FGF12: variants seen among roughly 807,000 people sequenced by gnomAD.
The protein encoded by FGF12 is fibroblast growth factor 12, also known as fibroblast growth factor 12B.
FGF12 carries 14 observed loss-of-function variants against 23.6 expected under a neutral mutation model. The ratio of observed to expected loss-of-function variants is 0.59; its 90% CI spans 0.39 to 0.93. The LOEUF (loss-of-function observed/expected upper bound fraction) is 0.93. Ranked by LOEUF, FGF12 falls within the 40% of genes least tolerant of loss-of-function variation. The pLI is 0.00. For synonymous variants in FGF12, 62 were observed against 77.3 expected (o/e 0.80, Z 1.04); for missense variants, 175 against 217.8 (o/e 0.80, Z 1.24).
At chr3:192,222,417 C>T (rs573003846) in intron 4 of FGF12, among the ~76,000 whole-genome samples, 4 of 152,158 alleles carry the variant, frequency 2.6e-5, no homozygotes, top group South Asian at 2.1e-4. Context: ...TGTAAACTCC[C>T]GAACATGATT....
chr3:192,204,691 G>C (rs1363836272), intron 4 of FGF12, among the ~76,000 whole-genome samples: 1 of 152,052 alleles, frequency 6.6e-6, no homozygotes, highest in East Asian at 1.9e-4. Flanking sequence ...TTTGAGACCA[G>C]CCTGGCCAAC....
At position 192,246,480 on chromosome 3, in the gene FGF12, T is replaced by C. The variant is rs115340430; in HGVS notation, c.229-75824A>G. Among the ~76,000 whole-genome samples the C allele has an allele frequency of 4.6e-3, 704 of 152,232 alleles. 2 individuals are homozygous for C. Among genetic ancestry groups the C allele is most frequent in the African/African-American group, 0.017 (689 of 41,556 alleles). On this transcript the variant is annotated intron_variant, in intron 4 of 5. Transcript: ENST00000445105. The stretch of plus-strand genomic sequence containing the variant: ...TTATTTTTTCAGATAGTATGCAGGC[T>C]TTTCCAGGTAGGACCTGGTTCTAAT...
Position 192,727,464 on chromosome 3 carries a change from T to A in FGF12, c.-131+20A>T. 4 of 316,844 alleles carry A rather than the reference T, an allele frequency of 1.3e-5. No individual in the cohort carries two copies. The highest frequency in any genetic ancestry group is 5.9e-5 in the Admixed American group (1 of 16,830). 19.6% of individuals were successfully genotyped at this position (316,844 alleles called of 1,614,324 possible). On this transcript the variant is annotated intron_variant, in intron 1 of 5. Coordinates refer to ENST00000445105, the MANE Select transcript of FGF12 (RefSeq NM_004113.6). ...ATGCATGCACAGTGCCCGCTCAGATTTTTTTTTTTTTTTTTTTACCTGGGT... is the reference window on the plus strand; with the variant it reads ...ATGCATGCACAGTGCCCGCTCAGATATTTTTTTTTTTTTTTTTACCTGGGT...
intron 2 of FGF12, among the ~76,000 whole-genome samples, chr3:192,490,285 T>C (rs1703332577): frequency 6.6e-6 from 1 of 152,112 alleles, no homozygotes; most frequent in East Asian, 1.9e-4. Context: ...TGTAAATGGT[T>C]CTACCTCCAT....
chr3:192,223,218 A>G (rs138755193), intron 4 of FGF12, among the ~76,000 whole-genome samples: 1 of 152,276 alleles, frequency 6.6e-6, no homozygotes, highest in African/African-American at 2.4e-5. Context: ...CAGTGACTAC[A>G]CTTAAAAACA....
At chr3:192,552,790 C>T (rs938111938) in intron 2 of FGF12, among the ~76,000 whole-genome samples, 1 of 152,112 alleles carries the variant, frequency 6.6e-6, no homozygotes, top group African/African-American at 2.4e-5. Flanking sequence ...ACTCCGGAGG[C>T]TGAGGCATGA....
Position 192,409,358 on chromosome 3 carries a change from G to C in FGF12, c.14-48820C>G, listed in dbSNP as rs1042928428. On this transcript the variant is annotated intron_variant, in intron 2 of 5. Coordinates refer to ENST00000445105, the MANE Select transcript of FGF12 (RefSeq NM_004113.6). The surrounding 1 kb of genome is among the most constrained non-coding windows in gnomAD (Gnocchi z 4.8). The stretch of plus-strand genomic sequence containing the variant: ...TGGAGCTCCCCGCCATGGTCCACCC[G>C]GGGCCGCCGCACCGAGCTGGTCTCC... Among the ~76,000 whole-genome samples the C allele has an allele frequency of 3.3e-5, 5 of 152,160 alleles. No individual in the cohort carries two copies. The highest frequency in any genetic ancestry group is 9.6e-5 in the African/African-American group (4 of 41,466).
At chr3:192,715,963 T>C (rs1718853067) in intron 2 of FGF12, among the ~76,000 whole-genome samples, 2 of 152,264 alleles carry the variant, frequency 1.3e-5, no homozygotes, top group African/African-American at 4.8e-5. Flanking sequence ...TTTTAAGCTA[T>C]GGAATTCCCT....
chr3:192,172,554 T>G (rs1263223418), intron 4 of FGF12, among the ~76,000 whole-genome samples: 1 of 150,948 alleles, frequency 6.6e-6, no homozygotes, highest in African/African-American at 2.4e-5. Flanking sequence ...GTAAATGAAC[T>G]ACTAGCTTAA....
In FGF12 at chr3:192,423,301, C is replaced by T. The variant is rs150405051; in HGVS notation, c.14-62763G>A. On this transcript the variant is annotated intron_variant, in intron 2 of 5. Transcript: ENST00000445105. ...GTGAGTGTTTTAGAAATTATATTGG[C>T]ATAAAATACCAACCTCTGATTTTCT... 2.2e-3 allele frequency among the ~76,000 whole-genome samples: 342 copies of T among 152,248 alleles called. 8 individuals are homozygous for T. Among genetic ancestry groups the T allele is most frequent in the Admixed American group, 0.018 (273 of 15,282 alleles).
intron 2 of FGF12, among the ~76,000 whole-genome samples, chr3:192,459,921 CA>C (rs965803376): frequency 1.3e-5 from 2 of 151,780 alleles, no homozygotes; most frequent in East Asian, 3.9e-4. Flanking sequence ...CAACATCCTT[CA>C]AAAAACCCTC....
intron 2 of FGF12, among the ~76,000 whole-genome samples, chr3:192,534,671 C>A (rs1725183811): frequency 6.6e-6 from 1 of 152,160 alleles, no homozygotes; most frequent in Non-Finnish European, 1.5e-5. Flanking sequence ...GGATTACAGG[C>A]ATGAACCACC....
intron 2 of FGF12, among the ~76,000 whole-genome samples, chr3:192,706,627 A>C (rs560659586): frequency 2.0e-5 from 3 of 152,202 alleles, no homozygotes; most frequent in African/African-American, 7.2e-5. Flanking sequence ...GCACTTCCCA[A>C]ATACTTTCTC....
intron 2 of FGF12, among the ~76,000 whole-genome samples, chr3:192,698,394 T>C (rs1046905776): frequency 6.6e-6 from 1 of 152,216 alleles, no homozygotes; most frequent in Non-Finnish European, 1.5e-5. Context: ...GGCCCTTTCC[T>C]AGCCTCAGTC....
intron 2 of FGF12, among the ~76,000 whole-genome samples, chr3:192,699,025 T>G (rs1362398414): frequency 1.3e-5 from 2 of 152,204 alleles, no homozygotes; most frequent in African/African-American, 4.8e-5. Context: ...TCCCTCTTTC[T>G]GTATAAAGAT....
chr3:192,555,073 G>A (rs1226496478), intron 2 of FGF12, among the ~76,000 whole-genome samples: 2 of 152,020 alleles, frequency 1.3e-5, no homozygotes, highest in African/African-American at 4.8e-5. Flanking sequence ...GCAATATGAG[G>A]GTCTCAGAAG....
chr3:192,521,900 G>C (rs1034339817), intron 2 of FGF12, among the ~76,000 whole-genome samples: 1 of 152,146 alleles, frequency 6.6e-6, no homozygotes, highest in Non-Finnish European at 1.5e-5. Context: ...CCTAGAATAT[G>C]TAAGAAATAA....
At chr3:192,472,377 C>G (rs77381371) in intron 2 of FGF12, among the ~76,000 whole-genome samples, 1,927 of 152,224 alleles carry the variant, frequency 0.013, 43 homozygotes, top group African/African-American at 0.044. Flanking sequence ...CAGGCCTCTC[C>G]GGTCATCCAG....
intron 4 of FGF12, among the ~76,000 whole-genome samples, chr3:192,274,108 A>C (rs1315503579): frequency 1.3e-5 from 2 of 151,872 alleles, no homozygotes; most frequent in African/African-American, 4.9e-5. Context: ...TCTATTTTTA[A>C]AGGTACTGCT....
Sources: allele counts gnomAD v4.1 joint callset (sites outside exome capture counted in the v4.1 genomes callset), GRCh38; gene constraint gnomAD v4.1.1; non-coding constraint Gnocchi (gnomAD v3.1); transcripts MANE v1.5; gene names NCBI Gene and HGNC (gene_info 2026-07-23, HGNC 2026-07-21).